Variants in ANKS1A observed in about 807,000 individuals in gnomAD.
ANKS1A encodes the protein ankyrin repeat and sterile alpha motif domain containing 1A.
A neutral mutation model predicts 120.3 loss-of-function variants in ANKS1A; 55 were observed. That is an observed-to-expected ratio of 0.46 (90% CI 0.37 to 0.57). The LOEUF is 0.57. Among genes scored for constraint, ANKS1A ranks in the 20% least tolerant of loss-of-function variants. The probability of loss-of-function intolerance (pLI) is 0.00; values close to 1 mark genes in which losing one functional copy is unlikely to be tolerated. For synonymous variants in ANKS1A, 590 were observed against 604.7 expected (o/e 0.98, Z 0.36); for missense variants, 1,123 against 1,480.3 (o/e 0.76, Z 3.96).
At chr6:35,070,827 TG>T in intron 13 of ANKS1A, 1 of 268,594 alleles carries the variant, frequency 3.7e-6, no homozygotes, top group South Asian at 4.4e-5. Flanking sequence ...CTTTTTTCTT[TG>T]TGTGTGTGTG....
At position 34,956,541 on chromosome 6, in the gene ANKS1A, G is replaced by A. The variant is rs1268405627; in HGVS notation, c.198-10698G>A. On this transcript the variant is annotated intron_variant, in intron 1 of 23. Transcript: ENST00000360359. ...AATATTATATAGGGTTATGGGATAG[G>A]AGCCCCTCCTGTTTTATTGGGAAAT... Among the ~76,000 whole-genome samples the A allele has an allele frequency of 2.0e-5, 3 of 152,118 alleles. No individual in the cohort carries two copies. The East Asian group carries it at 5.8e-4, about 29-fold the overall frequency.
chr6:34,903,586 CT>C (rs1219794917), intron 1 of ANKS1A, among the ~76,000 whole-genome samples: 8 of 152,006 alleles, frequency 5.3e-5, no homozygotes, highest in Non-Finnish European at 1.2e-4. Flanking sequence ...GGGCCTCCAC[CT>C]CCCGGGTTCA....
At chr6:34,924,584 C>G (rs186705522) in intron 1 of ANKS1A, among the ~76,000 whole-genome samples, 98 of 152,292 alleles carry the variant, frequency 6.4e-4, no homozygotes, top group African/African-American at 2.3e-3. Flanking sequence ...AAATCGGTGA[C>G]TCCTGCCATT....
chr6:35,012,942 A>G (rs1253365439), intron 10 of ANKS1A, among the ~76,000 whole-genome samples: 1 of 152,092 alleles, frequency 6.6e-6, no homozygotes, highest in African/African-American at 2.4e-5. Context: ...GTGTAGGAGA[A>G]AGGCCTAAGG....
intron 12 of ANKS1A, among the ~76,000 whole-genome samples, chr6:35,055,860 G>A (rs550868835): frequency 6.6e-6 from 1 of 152,306 alleles, no homozygotes; most frequent in Non-Finnish European, 1.5e-5. Flanking sequence ...GGCTTTCCTG[G>A]CTAAATTTGT....
intron 2 of ANKS1A, 67 bp from the exon 3 acceptor site, chr6:34,969,943 T>G: frequency 6.4e-7 from 1 of 1,559,876 alleles, no homozygotes; most frequent in Non-Finnish European, 8.7e-7. Context: ...GCCATATAGG[T>G]GTAAAGAGCT....
intron 3 of ANKS1A, 58 bp downstream of exon 3, chr6:34,970,224 C>T: frequency 6.5e-7 from 1 of 1,533,046 alleles, no homozygotes; most frequent in Non-Finnish European, 8.8e-7. Flanking sequence ...TGTGGCAACC[C>T]CATCACCATC....
intron 13 of ANKS1A, among the ~76,000 whole-genome samples, chr6:35,073,913 G>T (rs924589596): frequency 9.9e-5 from 15 of 152,162 alleles, no homozygotes; most frequent in Non-Finnish European, 1.8e-4. Flanking sequence ...TCATCCCCCG[G>T]TGCGGAGATA....
At chr6:35,080,036 C>T (rs1218114264) in intron 16 of ANKS1A, 108 bp downstream of exon 16, 5 of 1,258,026 alleles carry the variant, frequency 4.0e-6, no homozygotes, top group Admixed American at 2.1e-5. Context: ...TAGGAGAAAG[C>T]AGCTCCAACA....
At chr6:35,094,856 C>T (rs1196613242), downstream of ANKS1A, among the ~76,000 whole-genome samples, 2 of 152,082 alleles carry the variant, frequency 1.3e-5, no homozygotes, top group Non-Finnish European at 2.9e-5. Context: ...AGAAAATACT[C>T]GAGGCCGGGT....
chr6:34,926,807 C>G (rs150636784), intron 1 of ANKS1A, among the ~76,000 whole-genome samples: 67 of 152,258 alleles, frequency 4.4e-4, no homozygotes, highest in African/African-American at 1.6e-3. Flanking sequence ...TCATCAGTTA[C>G]AGAATATTAG....
intron 11 of ANKS1A, among the ~76,000 whole-genome samples, chr6:35,030,891 C>T (rs1490258693): frequency 1.3e-5 from 2 of 152,212 alleles, no homozygotes; most frequent in Admixed American, 1.3e-4. Flanking sequence ...TGTCCCGGCC[C>T]TTCGGTGAAC....
At chr6:34,969,897 C>T in intron 2 of ANKS1A, 113 bp from the exon 3 acceptor site, 1 of 1,286,038 alleles carries the variant, frequency 7.8e-7, no homozygotes, top group Non-Finnish European at 1.1e-6. Context: ...GGTAGAGACA[C>T]AGGAGCCAAA....
At position 34,953,809 on chromosome 6, in the gene ANKS1A, G is replaced by A. The variant is rs140520213; in HGVS notation, c.198-13430G>A. ...TGCCTGTTGTCATGGAGCATGCACT[G>A]TAATGATTGTTTTGCTCATTGAGTA... On this transcript the variant is annotated intron_variant, in intron 1 of 23. Transcript: ENST00000360359. 2.5e-3 allele frequency among the ~76,000 whole-genome samples: 381 copies of A among 152,236 alleles called. 4 individuals are homozygous for A. The highest frequency in any genetic ancestry group is 0.016 in the East Asian group (81 of 5,174).
At position 35,060,397 on chromosome 6, in the gene ANKS1A, A is replaced by T; in HGVS notation, c.2184+144A>T. The T allele has an allele frequency of 1.5e-6, 1 of 678,676 alleles. No individual in the cohort carries two copies. Among genetic ancestry groups the T allele is most frequent in the Non-Finnish European group, 2.5e-6 (1 of 400,034 alleles). 42.0% of individuals were successfully genotyped at this position (678,676 alleles called of 1,614,324 possible). A position where few individuals can be genotyped will look rare whatever the true frequency, so the allele number is the denominator to read the frequency against. ...AGCTCACTGAGGTCACTCAGACACC[A>T]GGAAGTCAGCCAGGTGGTATGTGCC... On this transcript the variant is annotated intron_variant, in intron 13 of 23. Coordinates refer to ENST00000360359, the MANE Select transcript of ANKS1A (RefSeq NM_015245.3). The surrounding 1 kb of genome is among the most constrained non-coding windows in gnomAD (Gnocchi z 4.5).
chr6:34,982,665 C>G lies in ANKS1A; in HGVS notation c.733-87C>G. The G allele has an allele frequency of 1.5e-6, 2 of 1,301,448 alleles. No homozygotes were observed. The highest frequency in any genetic ancestry group is 2.2e-6 in the Non-Finnish European group (2 of 897,968). The allele number at this position is 1,301,448 out of a possible 1,614,324, so 80.6% of individuals were successfully genotyped here. ...TGTGTAGTTTGTTTTATTTTGTGTC[C>G]CTTCTTGTCTGTGTCCCCTTTGTCA... On this transcript the variant is annotated intron_variant, in intron 4 of 23. Transcript: ENST00000360359. This position sits in a 1 kb window ranked among gnomAD's most constrained non-coding sequence, Gnocchi z 4.9.
chr6:35,060,898 T>G lies in ANKS1A; in HGVS notation c.2184+645T>G, dbSNP rs1776462293. Among the ~76,000 whole-genome samples the G allele has an allele frequency of 6.6e-6, 1 of 152,202 alleles. No homozygotes were observed. The highest frequency in any genetic ancestry group is 2.1e-4 in the South Asian group (1 of 4,832). Reference sequence around the variant, plus strand: ...CCTGGGCTCAGGATCTGGTGCACACTCTGTCATTTCAGAAAGTAGCTCTGA... The same window carrying G: ...CCTGGGCTCAGGATCTGGTGCACACGCTGTCATTTCAGAAAGTAGCTCTGA... On this transcript the variant is annotated intron_variant, in intron 13 of 23. Transcript: ENST00000360359. The surrounding 1 kb of genome is among the most constrained non-coding windows in gnomAD (Gnocchi z 4.5).
Position 35,089,680 on chromosome 6 carries a change from G to A in ANKS1A, c.*1071G>A, listed in dbSNP as rs1369010845. 8.1e-6 allele frequency: 8 copies of A among 992,088 alleles called. No individual in the cohort carries two copies. The highest frequency in any genetic ancestry group is 9.6e-6 in the Non-Finnish European group (8 of 833,974). 61.5% of individuals were successfully genotyped at this position (992,088 alleles called of 1,614,324 possible). A position where few individuals can be genotyped will look rare whatever the true frequency, so the allele number is the denominator to read the frequency against. On this transcript the variant is annotated 3_prime_UTR_variant, in exon 24 of 24. Transcript: ENST00000360359. The stretch of plus-strand genomic sequence containing the variant: ...ATCGATGCTCCCCCGCGTGGCCTTT[G>A]GGGCAGGCTGGCATCCCGGTGCGCC...
At chr6:35,091,432 T>A, downstream of ANKS1A, 2 of 985,372 alleles carry the variant, frequency 2.0e-6, no homozygotes, top group African/African-American at 1.7e-5. Flanking sequence ...AGTCTTTGAA[T>A]TGGAAAGCGT....
Sources: gnomAD v4.1 joint callset for allele counts (sites outside exome capture counted in the v4.1 genomes callset) on GRCh38, gnomAD v4.1.1 for gene constraint, Gnocchi (gnomAD v3.1) non-coding constraint, MANE v1.5 for transcripts, NCBI Gene and HGNC (gene_info 2026-07-23, HGNC 2026-07-21) for gene names.